Variants in CLIC5 observed in about 807,000 individuals in gnomAD.
CLIC5 encodes the protein chloride intracellular channel protein 5.
CLIC5 carries 20 observed loss-of-function variants against 24.7 expected under a neutral mutation model. The observed-to-expected ratio is 0.81, with a 90% confidence interval of 0.57 to 1.18. CLIC5 has a LOEUF of 1.18. Among genes scored for constraint, CLIC5 ranks in the 50% most tolerant of loss-of-function variants. The pLI is 0.00. For synonymous variants in CLIC5, 159 were observed against 135.6 expected, an observed-to-expected ratio of 1.17 and a Z score of -1.20; for missense variants, 341 against 326.1, an observed-to-expected ratio of 1.05 and a Z score of -0.35.
intron 1 of CLIC5, among the ~76,000 whole-genome samples, chr6:46,066,947 G>A (rs370134145): frequency 6.6e-6 from 1 of 152,094 alleles, no homozygotes; most frequent in South Asian, 2.1e-4. Flanking sequence ...CCTGGGACAC[G>A]GTGAGTGAGG....
At chr6:45,936,402 G>C (rs185240500) in intron 4 of CLIC5, among the ~76,000 whole-genome samples, 1 of 151,862 alleles carries the variant, frequency 6.6e-6, no homozygotes, top group East Asian at 1.9e-4. Context: ...ATGGGGTTTT[G>C]TCATGTTGGT....
the CLIC5 span, among the ~76,000 whole-genome samples, chr6:46,087,878 A>G: frequency 6.6e-6 from 1 of 152,318 alleles, no homozygotes; most frequent in South Asian, 2.1e-4. Flanking sequence ...TGCTAAGTGT[A>G]CTAAATAACT....
At chr6:46,002,900 C>T (rs1397134563) in intron 1 of CLIC5, among the ~76,000 whole-genome samples, 1 of 152,220 alleles carries the variant, frequency 6.6e-6, no homozygotes, top group African/African-American at 2.4e-5. Flanking sequence ...CCTTGGTCAT[C>T]TCCCTCTTGC....
At chr6:46,127,378 T>C in the CLIC5 span, among the ~76,000 whole-genome samples, 1 of 152,240 alleles carries the variant, frequency 6.6e-6, no homozygotes, top group Non-Finnish European at 1.5e-5. Flanking sequence ...TATATTCATT[T>C]GTAAATAATA....
At chr6:46,061,292 C>T (rs1762271615) in intron 1 of CLIC5, among the ~76,000 whole-genome samples, 1 of 152,176 alleles carries the variant, frequency 6.6e-6, no homozygotes, top group Non-Finnish European at 1.5e-5. Flanking sequence ...CGGGTTCAAG[C>T]AATTCCCCTG....
chr6:45,896,444 G>A (rs542473419), downstream of CLIC5, among the ~76,000 whole-genome samples: 22 of 152,286 alleles, frequency 1.4e-4, no homozygotes, highest in South Asian at 4.2e-3. Flanking sequence ...CTTGCTCAAG[G>A]GCACATGGTA....
chr6:45,974,296 C>T (rs917177030), intron 1 of CLIC5, among the ~76,000 whole-genome samples: 1 of 151,564 alleles, frequency 6.6e-6, no homozygotes, highest in Non-Finnish European at 1.5e-5. Context: ...AGAGTGACAG[C>T]AAGAGTCAAA....
intron 1 of CLIC5, among the ~76,000 whole-genome samples, chr6:45,980,167 C>T (rs774469443): frequency 6.6e-6 from 1 of 152,040 alleles, no homozygotes; most frequent in Non-Finnish European, 1.5e-5. Flanking sequence ...GTCCTTTCTC[C>T]ATTGCTTGTT....
At chr6:46,010,057 C>T (rs1340409022) in intron 1 of CLIC5, among the ~76,000 whole-genome samples, 2 of 152,174 alleles carry the variant, frequency 1.3e-5, no homozygotes, top group South Asian at 2.1e-4. Context: ...AGACTCACTG[C>T]TTGTGTTCTC....
intron 4 of CLIC5, 64 bp from the exon 5 acceptor site, chr6:45,914,473 C>T: frequency 7.0e-7 from 1 of 1,434,346 alleles, no homozygotes; most frequent in Non-Finnish European, 9.2e-7. Flanking sequence ...GTCATAGGGT[C>T]TTCAGAGTGG....
chr6:46,094,642 A>G, the CLIC5 span, among the ~76,000 whole-genome samples: 19 of 152,302 alleles, frequency 1.2e-4, no homozygotes, highest in South Asian at 3.9e-3. Flanking sequence ...GGGCCCCCAA[A>G]GCCTTAGGAA....
At chr6:46,100,013 C>T in the CLIC5 span, among the ~76,000 whole-genome samples, 1 of 151,864 alleles carries the variant, frequency 6.6e-6, no homozygotes, top group African/African-American at 2.4e-5. Context: ...GCTGAGACCT[C>T]GCTTCTACTA....
At chr6:45,904,894 A>G (rs1008524762) in intron 5 of CLIC5, among the ~76,000 whole-genome samples, 1 of 151,830 alleles carries the variant, frequency 6.6e-6, no homozygotes, top group African/African-American at 2.4e-5. Context: ...TCTGCCAAGT[A>G]GTCCCCAGTG....
At chr6:45,966,090 C>T (rs1765007223) in intron 1 of CLIC5, among the ~76,000 whole-genome samples, 1 of 152,132 alleles carries the variant, frequency 6.6e-6, no homozygotes, top group African/African-American at 2.4e-5. Context: ...AGAGACATCC[C>T]AAAATCTGTC....
intron 1 of CLIC5, among the ~76,000 whole-genome samples, chr6:46,025,311 A>G (rs930890473): frequency 5.9e-5 from 9 of 152,228 alleles, no homozygotes; most frequent in African/African-American, 2.2e-4. Flanking sequence ...CCAAATGTGT[A>G]TAAGGGAGGC....
At chr6:45,971,929 A>C (rs1765213331) in intron 1 of CLIC5, among the ~76,000 whole-genome samples, 1 of 152,190 alleles carries the variant, frequency 6.6e-6, no homozygotes, top group Non-Finnish European at 1.5e-5. Flanking sequence ...CCTTTCTGTA[A>C]CATGAGTTTC....
chr6:45,938,824 T>C (rs893446619), intron 4 of CLIC5, among the ~76,000 whole-genome samples: 1 of 152,176 alleles, frequency 6.6e-6, no homozygotes, highest in Non-Finnish European at 1.5e-5. Context: ...AAGATATTTG[T>C]GGCTAAGAGG....
At position 46,047,594 on chromosome 6, in the gene CLIC5, A is replaced by G. The variant is rs1432338080; in HGVS notation, c.540+32109T>C. Among the ~76,000 whole-genome samples, 3 of 152,376 alleles carry G rather than the reference A, an allele frequency of 2.0e-5. No homozygotes were observed. The East Asian group carries it at 5.8e-4, about 29-fold the overall frequency. The stretch of plus-strand genomic sequence containing the variant: ...GAATATACACAATAATGCAACATAT[A>G]CAATAACAAATGCACCATATATTTT... On this transcript the variant is annotated intron_variant, in intron 1 of 5. Coordinates refer to the CLIC5 transcript ENST00000185206.
chr6:46,037,753 G>A (rs899585368), intron 1 of CLIC5, among the ~76,000 whole-genome samples: 2 of 152,180 alleles, frequency 1.3e-5, no homozygotes, highest in Non-Finnish European at 2.9e-5. Context: ...GCCCAAGGAT[G>A]AATATTCATT....
Sources: gnomAD v4.1 joint callset for allele counts (sites outside exome capture counted in the v4.1 genomes callset) on GRCh38, gnomAD v4.1.1 for gene constraint, MANE v1.5 for transcripts, NCBI Gene and HGNC (gene_info 2026-07-23, HGNC 2026-07-21) for gene names.